CDYL: variants seen among roughly 807,000 people sequenced by gnomAD.
The protein encoded by CDYL is chromodomain Y-like protein.
CDYL carries 8 observed loss-of-function variants against 47.3 expected under a neutral mutation model. The observed-to-expected ratio is 0.17, with a 90% CI of 0.10 to 0.31. The LOEUF is 0.31. CDYL is among the 10% of genes least tolerant of loss of function. The pLI is 1.00. For missense variants in CDYL, 471 were observed against 701.4 expected, an observed-to-expected ratio of 0.67 and a Z score of 3.71; for synonymous variants, 266 against 265.0, an observed-to-expected ratio of 1.00 and a Z score of -0.04.
intron 1 of CDYL, among the ~76,000 whole-genome samples, chr6:4,790,898 A>G (rs1282247717): frequency 6.6e-6 from 1 of 152,238 alleles, no homozygotes; most frequent in Non-Finnish European, 1.5e-5. Context: ...AACAGAGAAA[A>G]TATCAGAGAT....
chr6:4,803,378 A>G (rs1202438558), intron 1 of CDYL, among the ~76,000 whole-genome samples: 3 of 152,060 alleles, frequency 2.0e-5, no homozygotes, highest in African/African-American at 4.8e-5. Flanking sequence ...CTTGGCTATT[A>G]TCTCAAGATT....
intron 1 of CDYL, among the ~76,000 whole-genome samples, chr6:4,804,439 A>G (rs1373047432): frequency 1.3e-5 from 2 of 152,226 alleles, no homozygotes; most frequent in South Asian, 4.1e-4. Context: ...ATAGAAGTAC[A>G]GTTCAGATCT....
chr6:4,912,236 T>A (rs1215689822), intron 2 of CDYL, among the ~76,000 whole-genome samples: 6 of 151,874 alleles, frequency 4.0e-5, no homozygotes, highest in Non-Finnish European at 7.4e-5. Context: ...GTTGGGAATT[T>A]TTTTTTTTCC....
At chr6:4,815,972 GTT>G (rs66530204) in intron 1 of CDYL, among the ~76,000 whole-genome samples, 3 of 140,438 alleles carry the variant, frequency 2.1e-5, no homozygotes, top group Admixed American at 7.1e-5. Context: ...ATTTTTATAG[GTT>G]TTTTTTTTTT....
chr6:4,948,015 T>G (rs1351347954), intron 5 of CDYL, among the ~76,000 whole-genome samples: 1 of 152,158 alleles, frequency 6.6e-6, no homozygotes, highest in Non-Finnish European at 1.5e-5. Context: ...TGCACGCACC[T>G]GACACCACCA....
At chr6:4,824,063 C>T (rs186953083) in intron 1 of CDYL, among the ~76,000 whole-genome samples, 83 of 152,334 alleles carry the variant, frequency 5.4e-4, no homozygotes, top group Admixed American at 5.3e-3. Flanking sequence ...TGTATCAGCA[C>T]TTTATTCCTG....
chr6:4,837,604 A>C (rs1381803830), intron 1 of CDYL, among the ~76,000 whole-genome samples: 1 of 151,024 alleles, frequency 6.6e-6, no homozygotes, highest in Non-Finnish European at 1.5e-5. Flanking sequence ...TTCTGGGATT[A>C]CAGGCGAGTG....
At chr6:4,714,190 T>C (rs541907635) in intron 1 of CDYL, 2 of 152,058 alleles carry the variant, frequency 1.3e-5, no homozygotes, top group South Asian at 4.2e-4. Context: ...CCACAGTCCA[T>C]GTCCCCGATC....
At chr6:4,926,781 A>T (rs1757886571) in intron 2 of CDYL, among the ~76,000 whole-genome samples, 1 of 152,070 alleles carries the variant, frequency 6.6e-6, no homozygotes, top group Non-Finnish European at 1.5e-5. Flanking sequence ...AACATTGTTG[A>T]TATCTGTCTG....
chr6:4,725,851 A>G (rs764712729), intron 2 of CDYL, among the ~76,000 whole-genome samples: 37 of 152,348 alleles, frequency 2.4e-4, no homozygotes, highest in Middle Eastern at 3.4e-3. Flanking sequence ...CAAACTCCGG[A>G]CACGCTGTCA....
At chr6:4,870,155 C>G (rs1006324244) in intron 1 of CDYL, among the ~76,000 whole-genome samples, 1 of 152,126 alleles carries the variant, frequency 6.6e-6, no homozygotes, top group African/African-American at 2.4e-5. Flanking sequence ...ACTTCAAACT[C>G]ATAGGTTCAA....
Position 4,733,387 on chromosome 6 carries a change from A to G in CDYL, c.104-1375A>G, listed in dbSNP as rs1274382279. The G allele has an allele frequency of 2.0e-5, 3 of 152,128 alleles. No individual in the cohort carries two copies. The South Asian group carries it at 6.2e-4, about 32-fold the overall frequency. The allele number at this position is 152,128 out of a possible 1,614,324, so 9.4% of individuals were successfully genotyped here. A position where few individuals can be genotyped will look rare whatever the true frequency, so the allele number is the denominator to read the frequency against. ...TAAAAAGTTACATGTTTTTAAAAAA[A>G]TGAAACCGTAAAAATGTATGTGACT... On this transcript the variant is annotated intron_variant, in intron 2 of 8. Transcript: ENST00000328908.
chr6:4,838,374 C>T (rs1760388443), intron 1 of CDYL, among the ~76,000 whole-genome samples: 1 of 151,950 alleles, frequency 6.6e-6, no homozygotes, highest in Admixed American at 6.6e-5. Flanking sequence ...CATAGCTTAG[C>T]TCCCAGTTAT....
chr6:4,717,608 G>A (rs1420290550), intron 2 of CDYL, among the ~76,000 whole-genome samples: 6 of 149,584 alleles, frequency 4.0e-5, no homozygotes, highest in South Asian at 4.2e-4. Flanking sequence ...TGAAGTGGGA[G>A]GCAGAAGCAT....
intron 1 of CDYL, among the ~76,000 whole-genome samples, chr6:4,831,782 A>T (rs144446439): frequency 1.3e-5 from 2 of 151,960 alleles, no homozygotes; most frequent in Admixed American, 6.6e-5. Context: ...CCTTGAAGAG[A>T]CCCTTCACGT....
intron 1 of CDYL, among the ~76,000 whole-genome samples, chr6:4,711,463 C>T (rs572964659): frequency 2.6e-5 from 4 of 152,302 alleles, no homozygotes; most frequent in African/African-American, 9.6e-5. Flanking sequence ...CTCTCTTAGT[C>T]TTATGAACTG....
chr6:4,847,200 T>C (rs967860707), intron 1 of CDYL, among the ~76,000 whole-genome samples: 13 of 152,134 alleles, frequency 8.5e-5, no homozygotes, highest in African/African-American at 2.4e-4. Flanking sequence ...CTCCTAGAGA[T>C]TGGTATTCAG....
chr6:4,759,963 AAAAC>A (rs1027656435), intron 3 of CDYL, among the ~76,000 whole-genome samples: 1 of 150,242 alleles, frequency 6.7e-6, no homozygotes, highest in Non-Finnish European at 1.5e-5. Flanking sequence ...AGAAAAAAGA[AAAAC>A]AAAAGAAATT....
intron 1 of CDYL, among the ~76,000 whole-genome samples, chr6:4,852,539 C>CCTTCCTTCCTTCCAAT (rs1561670346): frequency 6.1e-5 from 6 of 98,222 alleles, no homozygotes; most frequent in Non-Finnish European, 1.0e-4. Flanking sequence ...TTCCAATCTT[C>CCTTCCTTCCTTCCAAT]CTTCCTTCCT....
Sources: allele counts gnomAD v4.1 joint callset (sites outside exome capture counted in the v4.1 genomes callset), GRCh38; gene constraint gnomAD v4.1.1; transcripts MANE v1.5; gene names NCBI Gene and HGNC (gene_info 2026-07-23, HGNC 2026-07-21).